The following DENND1A variants were observed in gnomAD, a reference collection of about 807,000 sequenced individuals.
DENND1A encodes DENN domain containing 1A.
DENND1A carries 51 observed loss-of-function variants against 113.7 expected under a neutral mutation model. The ratio of observed to expected loss-of-function variants is 0.45; its 90% CI spans 0.36 to 0.57. DENND1A has a LOEUF of 0.57. Ranked by LOEUF, DENND1A falls within the 20% of genes least tolerant of loss-of-function variation. The probability of loss-of-function intolerance (pLI) is 0.00; values close to 1 mark genes in which losing one functional copy is unlikely to be tolerated. For missense variants in DENND1A, 1,258 were observed against 1,395.9 expected, an observed-to-expected ratio of 0.90 and a Z score of 1.57; for synonymous variants, 565 against 570.8, an observed-to-expected ratio of 0.99 and a Z score of 0.14.
At chr9:123,797,992 C>T (rs751051462) in intron 2 of DENND1A, among the ~76,000 whole-genome samples, 1 of 151,990 alleles carries the variant, frequency 6.6e-6, no homozygotes, top group African/African-American at 2.4e-5. Flanking sequence ...TTGGATTCCA[C>T]GTACAAATGA....
At chr9:123,550,883 A>T (rs952622650) in intron 13 of DENND1A, among the ~76,000 whole-genome samples, 1 of 152,144 alleles carries the variant, frequency 6.6e-6, no homozygotes, top group Non-Finnish European at 1.5e-5. Flanking sequence ...AATTAAACTC[A>T]TTTGTCTTTT....
chr9:123,656,852 T>C (rs1354519727), intron 8 of DENND1A, among the ~76,000 whole-genome samples: 1 of 152,230 alleles, frequency 6.6e-6, no homozygotes, highest in Non-Finnish European at 1.5e-5. Context: ...CCAGTTTCTG[T>C]GCTCAAAAGG....
intron 19 of DENND1A, among the ~76,000 whole-genome samples, chr9:123,430,593 A>G (rs1375593441): frequency 6.6e-6 from 1 of 152,236 alleles, no homozygotes; most frequent in African/African-American, 2.4e-5. Flanking sequence ...AACACCGCAC[A>G]TTCTCACTTA....
chr9:123,749,551 T>C (rs1003833544), intron 5 of DENND1A, among the ~76,000 whole-genome samples: 13 of 152,152 alleles, frequency 8.5e-5, no homozygotes, highest in African/African-American at 2.7e-4. Flanking sequence ...TTTCATAAGA[T>C]TGCTATAAAA....
rs546398875 is a variant in DENND1A at position 123,674,342 on chromosome 9, T to TCACACA, written c.372+2372_372+2377dup. Among the ~76,000 whole-genome samples the TCACACA allele has an allele frequency of 7.7e-3, 1,017 of 132,312 alleles. 8 individuals are homozygous for TCACACA. Among genetic ancestry groups the TCACACA allele is most frequent in the Admixed American group, 0.023 (295 of 13,042 alleles). The allele number at this position is 132,312 out of a possible 152,430, so 86.8% of individuals were successfully genotyped here. On this transcript the variant is annotated intron_variant, in intron 6 of 23. Coordinates refer to ENST00000394215, the MANE Select transcript of DENND1A (RefSeq NM_001352964.2). The stretch of plus-strand genomic sequence containing the variant: ...CTCTGTCTCTGTCTCTGTCTCTCTC[T>TCACACA]CACACACACACACACACACACACAC...
chr9:123,564,685 A>G lies in DENND1A; in HGVS notation c.868-6990T>C, dbSNP rs536808311. 2.6e-5 allele frequency among the ~76,000 whole-genome samples: 4 copies of G among 152,376 alleles called. 1 individual carries two copies. In the South Asian group the frequency reaches 8.3e-4, roughly 32 times the overall value. ...TCCAATATGCTAGCTACTACTGAGC[A>G]CTTGAAATGTGGCTGGTGTGACTGA... On this transcript the variant is annotated intron_variant, in intron 12 of 23. Transcript: ENST00000394215.
chr9:123,598,110 G>A (rs959714261), intron 11 of DENND1A, among the ~76,000 whole-genome samples: 4 of 152,192 alleles, frequency 2.6e-5, no homozygotes, highest in Non-Finnish European at 4.4e-5. Flanking sequence ...CAGGTGGCCT[G>A]GAGCCCCCTC....
intron 20 of DENND1A, among the ~76,000 whole-genome samples, chr9:123,407,881 C>T (rs1034428711): frequency 6.6e-6 from 1 of 152,190 alleles, no homozygotes; most frequent in Admixed American, 6.5e-5. Flanking sequence ...AAATACAGAG[C>T]TTATAAAGTG....
intron 21 of DENND1A, among the ~76,000 whole-genome samples, chr9:123,392,615 G>C (rs536175193): frequency 6.6e-6 from 1 of 152,126 alleles, no homozygotes. Flanking sequence ...TCCTAGTCAG[G>C]CTACCTTGGA....
intron 4 of DENND1A, among the ~76,000 whole-genome samples, chr9:123,758,925 C>T (rs891106766): frequency 1.3e-5 from 2 of 151,950 alleles, no homozygotes; most frequent in East Asian, 1.9e-4. Flanking sequence ...CTCAGCCTCC[C>T]GAGTACCTGG....
intron 13 of DENND1A, among the ~76,000 whole-genome samples, chr9:123,475,582 G>A (rs920522282): frequency 2.6e-5 from 4 of 152,204 alleles, no homozygotes; most frequent in Non-Finnish European, 5.9e-5. Context: ...GACCCCATCC[G>A]AGGCCCCCCT....
At chr9:123,721,911 T>C (rs1385786211) in intron 5 of DENND1A, among the ~76,000 whole-genome samples, 1 of 152,190 alleles carries the variant, frequency 6.6e-6, no homozygotes, top group Non-Finnish European at 1.5e-5. Context: ...GGGGCATTGC[T>C]GAAAAGATAC....
intron 5 of DENND1A, among the ~76,000 whole-genome samples, chr9:123,682,099 G>C (rs1416117672): frequency 6.6e-6 from 1 of 152,178 alleles, no homozygotes; most frequent in Non-Finnish European, 1.5e-5. Flanking sequence ...CCTCAGCAGA[G>C]CCCAGTGGAT....
intron 11 of DENND1A, among the ~76,000 whole-genome samples, chr9:123,586,349 C>T (rs1324750717): frequency 6.6e-6 from 1 of 152,156 alleles, no homozygotes; most frequent in Non-Finnish European, 1.5e-5. Flanking sequence ...GTAGGCTCTC[C>T]ACGGCTGGGC....
At chr9:123,697,842 T>C (rs562560357) in intron 5 of DENND1A, among the ~76,000 whole-genome samples, 2 of 152,330 alleles carry the variant, frequency 1.3e-5, no homozygotes, top group East Asian at 3.9e-4. Flanking sequence ...CTAACACTAA[T>C]GGTACATAAG....
intron 10 of DENND1A, among the ~76,000 whole-genome samples, chr9:123,622,527 T>C (rs911947061): frequency 4.6e-5 from 7 of 152,158 alleles, no homozygotes; most frequent in Non-Finnish European, 1.0e-4. Context: ...TAGCAAGTCA[T>C]CAAGAAGCTG....
At chr9:123,909,671 T>C (rs945798840) in intron 1 of DENND1A, among the ~76,000 whole-genome samples, 7 of 151,998 alleles carry the variant, frequency 4.6e-5, no homozygotes, top group African/African-American at 1.7e-4. Context: ...GATGAACCTA[T>C]TCATCATATC....
At chr9:123,636,426 C>T (rs2061704053) in intron 9 of DENND1A, among the ~76,000 whole-genome samples, 1 of 152,054 alleles carries the variant, frequency 6.6e-6, no homozygotes, top group East Asian at 1.9e-4. Flanking sequence ...AAGTGATTCT[C>T]CTGCCTCAGC....
At chr9:123,639,039 TAAAAAAAAA>T (rs750972974) in intron 9 of DENND1A, among the ~76,000 whole-genome samples, 1,405 of 32,096 alleles carry the variant, frequency 0.044, 23 homozygotes, top group African/African-American at 0.16. Flanking sequence ...GCATGAGTAG[TAAAAAAAAA>T]AAAAAAAAAA....
Sources: gnomAD v4.1 joint callset for allele counts (sites outside exome capture counted in the v4.1 genomes callset) on GRCh38, gnomAD v4.1.1 for gene constraint, MANE v1.5 for transcripts, NCBI Gene and HGNC (gene_info 2026-07-23, HGNC 2026-07-21) for gene names.